EBF1: variants seen among roughly 807,000 people sequenced by gnomAD.
EBF1 encodes the protein EBF transcription factor 1.
Under a neutral mutation model 68.4 loss-of-function variants are expected in EBF1, and 10 were observed. That is an observed-to-expected ratio of 0.15 (90% CI 0.09 to 0.25). The LOEUF is 0.25. EBF1 is among the 10% of genes least tolerant of loss of function. The pLI, the probability that EBF1 is intolerant of heterozygous loss-of-function variation, is 1.00. For missense variants in EBF1, 509 were observed against 794.4 expected (o/e 0.64, Z 4.32); for synonymous variants, 298 against 299.8 (o/e 0.99, Z 0.06).
At chr5:159,096,571 C>T (rs1315949931) in intron 2 of EBF1, 165 bp from the exon 3 acceptor site, 1 of 732,626 alleles carries the variant, frequency 1.4e-6, no homozygotes, top group Non-Finnish European at 2.3e-6. Flanking sequence ...CCCTCCTCCG[C>T]CCCCTGTTCC....
At chr5:159,012,246 C>T (rs1395997947) in intron 6 of EBF1, among the ~76,000 whole-genome samples, 4 of 150,594 alleles carry the variant, frequency 2.7e-5, no homozygotes, top group Middle Eastern at 3.2e-3. Flanking sequence ...GAGATCGCGC[C>T]ACTGCATTCT....
chr5:158,950,838 T>C (rs1223023661), intron 6 of EBF1, among the ~76,000 whole-genome samples: 1 of 152,144 alleles, frequency 6.6e-6, no homozygotes, highest in Non-Finnish European at 1.5e-5. Context: ...TATTCCAAAG[T>C]AGGAAACTTC....
intron 6 of EBF1, among the ~76,000 whole-genome samples, chr5:158,978,722 GA>G (rs1409102701): frequency 1.3e-5 from 2 of 151,010 alleles, no homozygotes; most frequent in African/African-American, 4.9e-5. Context: ...CTTGATTAAG[GA>G]AAGACTATTG....
chr5:159,072,420 T>C (rs555539035), intron 6 of EBF1, among the ~76,000 whole-genome samples: 1 of 152,328 alleles, frequency 6.6e-6, no homozygotes, highest in African/African-American at 2.4e-5. Context: ...AGATGGGTTT[T>C]TTTTTCTTTT....
chr5:158,843,133 C>G (rs1284494986), intron 6 of EBF1, among the ~76,000 whole-genome samples: 1 of 152,154 alleles, frequency 6.6e-6, no homozygotes, highest in African/African-American at 2.4e-5. Flanking sequence ...CATTGCCATT[C>G]TCCCTTAAGA....
At chr5:159,015,922 T>C (rs6894893) in intron 6 of EBF1, among the ~76,000 whole-genome samples, 90,944 of 152,066 alleles carry the variant, frequency 0.6, 27,779 homozygotes, top group South Asian at 0.77. Context: ...TGTGGATTTG[T>C]GTTTACAGCC....
chr5:158,952,925 G>A (rs1356655160), intron 6 of EBF1, among the ~76,000 whole-genome samples: 1 of 151,702 alleles, frequency 6.6e-6, no homozygotes, highest in Non-Finnish European at 1.5e-5. Flanking sequence ...AACAACTTCT[G>A]CACCAAAGTA....
intron 11 of EBF1, among the ~76,000 whole-genome samples, chr5:158,726,136 G>A (rs184085334): frequency 9.9e-5 from 15 of 152,278 alleles, no homozygotes; most frequent in Admixed American, 3.3e-4. Flanking sequence ...AAGTAAAAAT[G>A]TAATAAATAC....
intron 6 of EBF1, among the ~76,000 whole-genome samples, chr5:158,863,188 C>T (rs544984838): frequency 6.6e-6 from 1 of 152,310 alleles, no homozygotes; most frequent in East Asian, 1.9e-4. Flanking sequence ...TCTGAGCTCT[C>T]TTAAGCCTCC....
intron 6 of EBF1, among the ~76,000 whole-genome samples, chr5:159,037,884 T>A (rs1393500550): frequency 6.6e-6 from 1 of 152,254 alleles, no homozygotes; most frequent in African/African-American, 2.4e-5. Flanking sequence ...CACCATCACA[T>A]TTGCCACATC....
chr5:158,879,552 G>A (rs1055191597), intron 6 of EBF1, among the ~76,000 whole-genome samples: 1 of 152,174 alleles, frequency 6.6e-6, no homozygotes, highest in African/African-American at 2.4e-5. Flanking sequence ...TTGAAAAGTT[G>A]TAGGCATTGA....
At chr5:158,744,335 G>A (rs191444204) in intron 10 of EBF1, among the ~76,000 whole-genome samples, 8 of 136,350 alleles carry the variant, frequency 5.9e-5, no homozygotes, top group Admixed American at 1.5e-4. Context: ...ACAAATACAC[G>A]TCAAAAAGGT....
intron 7 of EBF1, among the ~76,000 whole-genome samples, chr5:158,837,686 A>G (rs923190269): frequency 6.6e-6 from 1 of 152,172 alleles, no homozygotes; most frequent in Non-Finnish European, 1.5e-5. Context: ...TCTATAATTC[A>G]ACCTTTTCAG....
chr5:158,963,645 C>T (rs1259979849), intron 6 of EBF1, among the ~76,000 whole-genome samples: 2 of 152,110 alleles, frequency 1.3e-5, no homozygotes, highest in Non-Finnish European at 2.9e-5. Context: ...CACCTGATCC[C>T]CTTTGTAACT....
chr5:158,822,540 T>C (rs1404625186), intron 8 of EBF1, among the ~76,000 whole-genome samples: 2 of 152,166 alleles, frequency 1.3e-5, no homozygotes, highest in Non-Finnish European at 2.9e-5. Flanking sequence ...TCAAGACAAA[T>C]GGGATTTCTC....
In EBF1 at chr5:158,712,220, C is replaced by T. The variant is rs146847386; in HGVS notation, c.1483G>A (p.Ala495Thr). 872 of 1,613,524 alleles carry T rather than the reference C, an allele frequency of 5.4e-4. 5 individuals carry two copies. The African/African-American group carries it at 9.9e-3, about 18-fold the overall frequency. The change falls in exon 14 of 16, where the codon GCA becomes ACA. Residue 495 changes from alanine (A) to threonine (T), a missense_variant. Ala to Thr is a moderately conservative substitution (Grantham distance 58). Around this residue, in one of 3 missense-constraint regions of EBF1, gnomAD observed 205 missense variants for 247.4 expected, o/e 0.83. Coordinates refer to ENST00000313708, the MANE Select transcript of EBF1 (RefSeq NM_024007.5). ...TTSMNGYGSA[A>T]MSNLGGSPTF... ...GGGGAGCCGCCCAAATTGGACATTG[C>T]GGCAGAGCCGTATCCGTTCATGCTC...
At chr5:158,707,349 T>C (rs1333868435) in intron 15 of EBF1, among the ~76,000 whole-genome samples, 1 of 152,246 alleles carries the variant, frequency 6.6e-6, no homozygotes, top group Non-Finnish European at 1.5e-5. Flanking sequence ...ATTTTCCAAA[T>C]GCAATGGTGG....
intron 6 of EBF1, among the ~76,000 whole-genome samples, chr5:158,916,431 A>C (rs1011350240): frequency 2.6e-5 from 4 of 152,214 alleles, no homozygotes; most frequent in Non-Finnish European, 4.4e-5. Context: ...ACAAGATAAA[A>C]TCATCATGTA....
intron 6 of EBF1, among the ~76,000 whole-genome samples, chr5:158,856,435 T>C (rs555627432): frequency 2.6e-4 from 39 of 152,342 alleles, no homozygotes; most frequent in Admixed American, 1.8e-3. Context: ...CCTTGAATTA[T>C]GGAAGCAAGT....
Sources: allele counts gnomAD v4.1 joint callset (sites outside exome capture counted in the v4.1 genomes callset), GRCh38; gene constraint gnomAD v4.1.1; regional missense constraint gnomAD v4.1.1; transcripts MANE v1.5; gene names NCBI Gene and HGNC (gene_info 2026-07-23, HGNC 2026-07-21).